Variants in KMT2E observed in about 807,000 individuals in gnomAD.
KMT2E encodes histone reader KMT2E.
A neutral mutation model predicts 184.6 loss-of-function variants in KMT2E; 30 were observed. The ratio of observed to expected loss-of-function variants is 0.16; its 90% CI spans 0.12 to 0.22. The LOEUF (loss-of-function observed/expected upper bound fraction) is 0.22. Among genes scored for constraint, KMT2E ranks in the 10% least tolerant of loss-of-function variants. The pLI, the probability that KMT2E is intolerant of heterozygous loss-of-function variation, is 1.00. For missense variants in KMT2E, 2,023 were observed against 2,237.4 expected (o/e 0.90, Z 1.93); for synonymous variants, 815 against 776.5 (o/e 1.05, Z -0.82).
At chr7:105,082,615 G>A (rs1797802829) in intron 13 of KMT2E, among the ~76,000 whole-genome samples, 1 of 151,922 alleles carries the variant, frequency 6.6e-6, no homozygotes, top group Non-Finnish European at 1.5e-5. Context: ...TGCTCTTGCT[G>A]TCTCAGGGGT....
At chr7:105,104,641 G>C (rs912291764) in intron 17 of KMT2E, 1 of 152,512 alleles carries the variant, frequency 6.6e-6, no homozygotes, top group Non-Finnish European at 1.5e-5. Context: ...GCTACAGTGA[G>C]CCATGATCAC....
rs1401923405 is a variant in KMT2E at position 105,114,417 on chromosome 7, C to G, written c.*1084C>G. Reference sequence around the variant, plus strand: ...GTTTGCCCAAAACAGGAAAATTTGTCTTGGGTGTAAAAACTAAAGAAAAAA... The same window carrying G: ...GTTTGCCCAAAACAGGAAAATTTGTGTTGGGTGTAAAAACTAAAGAAAAAA... On this transcript the variant is annotated 3_prime_UTR_variant, in exon 27 of 27. Transcript: ENST00000311117. The G allele has an allele frequency of 1.3e-5, 2 of 152,160 alleles. No individual in the cohort carries two copies. Among genetic ancestry groups the G allele is most frequent in the East Asian group, 3.9e-4 (2 of 5,186 alleles). The allele number at this position is 152,160 out of a possible 1,614,324, so 9.4% of individuals were successfully genotyped here.
rs750045080 is a variant in KMT2E, at chr7:105,073,605, A to C, written c.498-14A>C. 2 of 1,547,858 alleles carry C rather than the reference A, an allele frequency of 1.3e-6. No homozygotes were observed. Among genetic ancestry groups the C allele is most frequent in the Non-Finnish European group, 1.8e-6 (2 of 1,122,322 alleles). ...ATGTATTTGATAAATAATTATGCTA[A>C]TTTTTTAATGTAGGAATTTGGATAA... On this transcript the variant is annotated splice_polypyrimidine_tract_variant and intron_variant, in intron 6 of 26. Coordinates refer to ENST00000311117, the MANE Select transcript of KMT2E (RefSeq NM_182931.3).
chr7:105,109,146 A>T lies in KMT2E; in HGVS notation c.3673A>T (p.Asn1225Tyr). 1 of 1,614,158 alleles carries T rather than the reference A, an allele frequency of 6.2e-7. No individual in the cohort carries two copies. The change falls in exon 23 of 27, where the codon AAT becomes TAT. Residue 1225 changes from asparagine to tyrosine, a missense_variant. Physicochemically the swap from Asn to Tyr is moderately radical, Grantham distance 143. This residue lies in a region of KMT2E where 1,108 missense variants were observed against 1,050.9 expected (regional missense o/e 1.05). Transcript: ENST00000311117. ...LPLPTPATVY[N>Y]ATSEETSNNC... Reference sequence around the variant, plus strand: ...TTTACCAACACCAGCTACAGTTTATAATGCCACTTCTGAAGAAACTAGCAA... The same window carrying T: ...TTTACCAACACCAGCTACAGTTTATTATGCCACTTCTGAAGAAACTAGCAA...
chr7:105,108,849 A>G (rs929844981), intron 22 of KMT2E, 93 bp from the exon 23 acceptor site: 16 of 1,024,994 alleles, frequency 1.6e-5, no homozygotes, highest in Admixed American at 1.4e-4. Flanking sequence ...TAATGTAAAT[A>G]TAGTAATTCT....
intron 1 of KMT2E, among the ~76,000 whole-genome samples, chr7:105,029,235 G>GA (rs987027140): frequency 2.4e-4 from 36 of 149,380 alleles, no homozygotes; most frequent in African/African-American, 5.9e-4. Flanking sequence ...TGCACTCCAG[G>GA]AAAAAAAAAC....
chr7:105,062,610 A>G (rs1384169447), intron 4 of KMT2E, among the ~76,000 whole-genome samples: 1 of 151,834 alleles, frequency 6.6e-6, no homozygotes, highest in African/African-American at 2.4e-5. Context: ...TTTGATTTTT[A>G]GTTTTTGAAT....
In KMT2E at chr7:105,102,002, C is replaced by A. The variant is rs1798675638; in HGVS notation, c.2004C>A (p.His668Gln). The A allele has an allele frequency of 6.2e-7, 1 of 1,613,820 alleles. No individual in the cohort carries two copies. The highest frequency in any genetic ancestry group is 8.5e-7 in the Non-Finnish European group (1 of 1,179,828). The change falls in exon 17 of 27, where the codon CAC (histidine) becomes CAA (glutamine). Residue 668 changes from histidine (H) to glutamine (Q), a missense_variant. Around this residue, in one of 8 missense-constraint regions of KMT2E, gnomAD observed 514 missense variants for 621.8 expected, o/e 0.83. Transcript: ENST00000311117. ...ACATTGGACAGCAGCGTCGGAGACA[C>A]AGAACTGTCAGCATGTGTTCAGATA... ...RTHIGQQRRR[H>Q]RTVSMCSDIQ...
intron 13 of KMT2E, among the ~76,000 whole-genome samples, chr7:105,086,305 G>T (rs1797961851): frequency 6.6e-6 from 1 of 152,212 alleles, no homozygotes; most frequent in Admixed American, 6.5e-5. Context: ...GGACATAGGA[G>T]TGGAATTGCT....
In KMT2E at chr7:105,095,959, T is replaced by C. The variant is rs189107452; in HGVS notation, c.1722+4645T>C. Among the ~76,000 whole-genome samples the C allele has an allele frequency of 6.8e-4, 104 of 152,246 alleles. 1 individual carries two copies. The highest frequency in any genetic ancestry group is 7.9e-4 in the Non-Finnish European group (54 of 68,008). ...GCAAACTTCTGAAAGATTTAAATAC[T>C]AAAAGAGACTTGTTGCTGGGCTTGG... On this transcript the variant is annotated intron_variant, in intron 15 of 26. Transcript: ENST00000311117.
At chr7:105,026,087 G>A (rs1795165651) in intron 1 of KMT2E, among the ~76,000 whole-genome samples, 1 of 152,132 alleles carries the variant, frequency 6.6e-6, no homozygotes, top group East Asian at 1.9e-4. Flanking sequence ...TAAATTACAA[G>A]TACAGTATTT....
rs766206849 is a variant in KMT2E at position 105,110,497 on chromosome 7, T to C, written c.3865T>C (p.Ser1289Pro). 1 of 1,614,224 alleles carries C rather than the reference T, an allele frequency of 6.2e-7. No homozygotes were observed. Among genetic ancestry groups the C allele is most frequent in the Non-Finnish European group, 8.5e-7 (1 of 1,180,026 alleles). The change falls in exon 25 of 27, where the codon TCA becomes CCA. Residue 1289 changes from serine to proline, a missense_variant. By Grantham distance (74) the Ser-to-Pro change is moderately conservative. This residue lies in a region of KMT2E where 1,108 missense variants were observed against 1,050.9 expected (regional missense o/e 1.05). Coordinates refer to ENST00000311117, the MANE Select transcript of KMT2E (RefSeq NM_182931.3). ...TCTAGGGGGAGAATCACCATGTGTCTCATGTTCACCGAGTCATGTTCAGTC... is the reference window on the plus strand; with the variant it reads ...TCTAGGGGGAGAATCACCATGTGTCCCATGTTCACCGAGTCATGTTCAGTC... ...KDSGGESPCV[S>P]CSPSHVQSSP...
chr7:105,017,802 T>G (rs1455295977), intron 1 of KMT2E, among the ~76,000 whole-genome samples: 2 of 152,210 alleles, frequency 1.3e-5, no homozygotes, highest in African/African-American at 4.8e-5. Flanking sequence ...TGATCATACA[T>G]CCTTTCGTTG....
At chr7:105,094,710 A>G (rs1385182408) in intron 15 of KMT2E, among the ~76,000 whole-genome samples, 1 of 152,208 alleles carries the variant, frequency 6.6e-6, no homozygotes, top group Non-Finnish European at 1.5e-5. Context: ...CTTACCTGCA[A>G]GTTTGCTTTC....
At chr7:105,061,754 T>G (rs1796821153) in intron 3 of KMT2E, among the ~76,000 whole-genome samples, 2 of 152,202 alleles carry the variant, frequency 1.3e-5, no homozygotes, top group Non-Finnish European at 2.9e-5. Context: ...CATGCATATA[T>G]TTTTGAACAC....
Position 105,108,002 on chromosome 7 carries a change from G to A in KMT2E, c.3468+77G>A, listed in dbSNP as rs770927840. On this transcript the variant is annotated intron_variant, in intron 22 of 26. Coordinates refer to ENST00000311117, the MANE Select transcript of KMT2E (RefSeq NM_182931.3). ...ATAATACTACTGAGGGGAATTGTTA[G>A]ATGTATTATGTAAGGCATTCTTAAT... 3.0e-6 allele frequency: 3 copies of A among 990,746 alleles called. No individual in the cohort carries two copies. The East Asian group carries it at 8.4e-5, about 28-fold the overall frequency. The allele number at this position is 990,746 out of a possible 1,614,324, so 61.4% of individuals were successfully genotyped here.
At chr7:105,086,336 C>G (rs567212101) in intron 13 of KMT2E, among the ~76,000 whole-genome samples, 7 of 152,158 alleles carry the variant, frequency 4.6e-5, no homozygotes, top group Non-Finnish European at 8.8e-5. Context: ...ATGCGCACAG[C>G]ATGAGTTTTT....
chr7:105,058,635 A>G (rs144421729), intron 3 of KMT2E, among the ~76,000 whole-genome samples: 2 of 152,296 alleles, frequency 1.3e-5, no homozygotes, highest in East Asian at 1.9e-4. Context: ...CAGTTGTTCT[A>G]CTTGTTGGAA....
chr7:105,018,386 G>A (rs544040871), intron 1 of KMT2E, among the ~76,000 whole-genome samples: 16 of 152,204 alleles, frequency 1.1e-4, no homozygotes, highest in Admixed American at 8.5e-4. Context: ...ATGTGTAAAA[G>A]CTTTTATCTC....
Sources: gnomAD v4.1 joint callset for allele counts (sites outside exome capture counted in the v4.1 genomes callset) on GRCh38, gnomAD v4.1.1 for gene constraint, gnomAD v4.1.1 regional missense constraint, MANE v1.5 for transcripts, NCBI Gene and HGNC (gene_info 2026-07-23, HGNC 2026-07-21) for gene names.